PAK6: variants seen among roughly 807,000 people sequenced by gnomAD.
The protein encoded by PAK6 is serine/threonine-protein kinase PAK 6.
A neutral mutation model predicts 60.8 loss-of-function variants in PAK6; 33 were observed. The observed-to-expected ratio is 0.54, with a 90% confidence interval of 0.41 to 0.73. The LOEUF is 0.73. Among genes scored for constraint, PAK6 ranks in the 30% least tolerant of loss-of-function variants. PAK6 has a pLI of 0.00. For missense variants in PAK6, 845 were observed against 904.1 expected (o/e 0.93, Z 0.84); for synonymous variants, 404 against 378.5 (o/e 1.07, Z -0.78).
intron 9 of PAK6, 37 bp from the exon 10 acceptor site, chr15:40,274,105 G>A (rs368574907): frequency 4.3e-6 from 7 of 1,610,936 alleles, no homozygotes; most frequent in Non-Finnish European, 5.9e-6. Context: ...ATGGGCCAGG[G>A]TCTGGCCATG....
At chr15:40,261,687 C>G (rs1027717986) in intron 3 of PAK6, among the ~76,000 whole-genome samples, 1 of 152,310 alleles carries the variant, frequency 6.6e-6, no homozygotes, top group East Asian at 1.9e-4. Flanking sequence ...CAGATGAGTC[C>G]TAGCTGCCTC....
At chr15:40,252,810 GC>G in intron 2 of PAK6, 1 of 1,295,834 alleles carries the variant, frequency 7.7e-7, no homozygotes, top group Non-Finnish European at 1.0e-6. Context: ...CAGGCGAGGG[GC>G]CTTGGGCGCA....
At chr15:40,243,820 G>A (rs2038422859) in intron 2 of PAK6, among the ~76,000 whole-genome samples, 1 of 152,252 alleles carries the variant, frequency 6.6e-6, no homozygotes. Flanking sequence ...GACTTGAAGT[G>A]GGCTGCCCCT....
chr15:40,272,770 G>A, intron 6 of PAK6, 49 bp downstream of exon 6: 1 of 1,579,834 alleles, frequency 6.3e-7, no homozygotes, highest in Non-Finnish European at 8.6e-7. Flanking sequence ...GATGGGCAGT[G>A]AGCAGCCAGC....
At chr15:40,242,074 G>A (rs1301984219) in intron 2 of PAK6, among the ~76,000 whole-genome samples, 4 of 152,178 alleles carry the variant, frequency 2.6e-5, no homozygotes. Flanking sequence ...GTAGACAGCA[G>A]GCCAGCAGCG....
intron 3 of PAK6, chr15:40,260,219 A>G (rs1003609254): frequency 6.6e-6 from 1 of 152,140 alleles, no homozygotes; most frequent in Non-Finnish European, 1.5e-5. Context: ...CACTCCCACC[A>G]GCTTTATTAT....
intron 5 of PAK6, among the ~76,000 whole-genome samples, chr15:40,267,198 G>A (rs2140983229): frequency 6.7e-6 from 1 of 148,258 alleles, no homozygotes; most frequent in East Asian, 2.0e-4. Context: ...ACAGTGGCAT[G>A]GGTAATGGAG....
At chr15:40,255,091 T>C (rs1172486167) in intron 3 of PAK6, among the ~76,000 whole-genome samples, 9 of 152,138 alleles carry the variant, frequency 5.9e-5, no homozygotes. Flanking sequence ...CTGCTTAGCA[T>C]AGGGTTCCAA....
chr15:40,264,170 T>C (rs1354524228), intron 3 of PAK6, among the ~76,000 whole-genome samples: 1 of 152,054 alleles, frequency 6.6e-6, no homozygotes, highest in Admixed American at 6.6e-5. Context: ...TGGCTTTTTA[T>C]TAACGTATCA....
chr15:40,271,233 G>A (rs2039293348), intron 5 of PAK6, among the ~76,000 whole-genome samples: 1 of 152,228 alleles, frequency 6.6e-6, no homozygotes, highest in African/African-American at 2.4e-5. Context: ...AGATGGGCGG[G>A]CACCTTTCCT....
At chr15:40,252,244 C>A in intron 2 of PAK6, 1 of 1,194,034 alleles carries the variant, frequency 8.4e-7, no homozygotes, top group East Asian at 5.9e-5. Flanking sequence ...GAGCGTGCAT[C>A]TGCGATGCCA....
chr15:40,256,400 G>A (rs971337571), intron 3 of PAK6, among the ~76,000 whole-genome samples: 2 of 152,208 alleles, frequency 1.3e-5, no homozygotes, highest in Admixed American at 1.3e-4. Context: ...AGTTCCCAAA[G>A]GGGGTTACAA....
At chr15:40,245,372 TGCA>T (rs755803305) in intron 2 of PAK6, 1 of 152,352 alleles carries the variant, frequency 6.6e-6, no homozygotes, top group Non-Finnish European at 1.5e-5. Context: ...TCCTAAAGGC[TGCA>T]GCAGCAGCAG....
intron 10 of PAK6, among the ~76,000 whole-genome samples, chr15:40,275,289 T>TTTTTTG (rs1375246675): frequency 9.0e-6 from 1 of 111,078 alleles, no homozygotes; most frequent in Non-Finnish European, 1.9e-5. Context: ...GGTTTTTTTT[T>TTTTTTG]TTTTTTTTTT....
chr15:40,268,114 G>A (rs7183540), intron 5 of PAK6, among the ~76,000 whole-genome samples: 36,653 of 152,130 alleles, frequency 0.24, 4,799 homozygotes, highest in African/African-American at 0.33. Flanking sequence ...GGGAGCAGGC[G>A]GTAGTTATCT....
intron 5 of PAK6, chr15:40,266,801 T>C: frequency 3.0e-6 from 1 of 336,932 alleles, no homozygotes; most frequent in East Asian, 5.0e-5. Flanking sequence ...GGAGGCCGAC[T>C]TGTGGCATGT....
intron 3 of PAK6, among the ~76,000 whole-genome samples, chr15:40,256,259 A>T (rs1268445069): frequency 6.6e-6 from 1 of 152,138 alleles, no homozygotes; most frequent in East Asian, 1.9e-4. Flanking sequence ...CAAACTTCTG[A>T]AAGTAAAGTT....
At chr15:40,268,782 A>G (rs972454283) in intron 5 of PAK6, among the ~76,000 whole-genome samples, 1 of 152,192 alleles carries the variant, frequency 6.6e-6, no homozygotes, top group Non-Finnish European at 1.5e-5. Context: ...GCTTGCAGGG[A>G]TTAGACATGT....
chr15:40,264,744 T>C, intron 3 of PAK6, 37 bp from the exon 4 acceptor site: 1 of 1,594,070 alleles, frequency 6.3e-7, no homozygotes, highest in Non-Finnish European at 8.6e-7. Flanking sequence ...CACCCCTCTT[T>C]CCCGGGAGGG....
Sources: gnomAD v4.1 joint callset for allele counts (sites outside exome capture counted in the v4.1 genomes callset) on GRCh38, gnomAD v4.1.1 for gene constraint, MANE v1.5 for transcripts, NCBI Gene and HGNC (gene_info 2026-07-23, HGNC 2026-07-21) for gene names.